TRPM2: variants seen among roughly 807,000 people sequenced by gnomAD.
TRPM2 encodes the protein transient receptor potential cation channel subfamily M member 2, also known as estrogen-responsive element-associated gene 1 protein.
TRPM2 carries 161 observed loss-of-function variants against 174.0 expected under a neutral mutation model. That is an observed-to-expected ratio of 0.93 (90% confidence interval 0.81 to 1.05). TRPM2 has a LOEUF of 1.05. Ranked by LOEUF, TRPM2 falls within the 50% of genes least tolerant of loss-of-function variation. The probability of loss-of-function intolerance (pLI) is 0.00; values close to 1 mark genes in which losing one functional copy is unlikely to be tolerated. For missense variants in TRPM2, 2,057 were observed against 2,038.0 expected, an observed-to-expected ratio of 1.01 and a Z score of -0.18; for synonymous variants, 954 against 861.3, an observed-to-expected ratio of 1.11 and a Z score of -1.88.
At chr21:44,378,469 C>T (rs969072933) in intron 7 of TRPM2, among the ~76,000 whole-genome samples, 6 of 152,188 alleles carry the variant, frequency 3.9e-5, no homozygotes, top group Admixed American at 6.5e-5. Context: ...GCACTGGGTC[C>T]TCACTCCCTA....
chr21:44,398,655 G>A lies in TRPM2; in HGVS notation c.2063-641G>A, dbSNP rs536620722. Among the ~76,000 whole-genome samples, 34 of 152,186 alleles carry A rather than the reference G, an allele frequency of 2.2e-4. No homozygotes were observed. The South Asian group carries it at 5.4e-3, about 24-fold the overall frequency. ...ACAGGGGTCGAAGTGGGTTCTTCTC[G>A]CTGTCTGCTGTTTCTGCGTGTGGTC... On this transcript the variant is annotated intron_variant, in intron 13 of 31. Transcript: ENST00000397928.
chr21:44,400,280 T>C lies in TRPM2; in HGVS notation c.2230T>C (p.Trp744Arg), dbSNP rs1461059404. 6.2e-7 allele frequency: 1 copy of C among 1,612,602 alleles called. No homozygotes were observed. Among genetic ancestry groups the C allele is most frequent in the South Asian group, 1.1e-5 (1 of 90,998 alleles). The change falls in exon 15 of 32, where the codon TGG becomes CGG. Residue 744 changes from tryptophan (W) to arginine (R), a missense_variant. Trp to Arg is a moderately radical substitution (Grantham distance 101). Coordinates refer to ENST00000397928, the MANE Select transcript of TRPM2 (RefSeq NM_003307.4). ...GIQAFLTKVW[W>R]GQLSVDNGLW... ...GCAGGCCTTCCTGACCAAGGTGTGG[T>C]GGGGCCAGCTCTCCGTGGACAATGG...
In TRPM2 at chr21:44,406,605, C is replaced by T. The variant is rs2049887851; in HGVS notation, c.2802C>T (p.Val934=). The T allele has an allele frequency of 1.2e-6, 2 of 1,609,022 alleles. No homozygotes were observed. The highest frequency in any genetic ancestry group is 1.7e-6 in the Non-Finnish European group (2 of 1,178,768). ...IIIVKRMMKD[V]FFFLFLLAVW... ...TCTCTGTCCTGCAGATGAAGGACGT[C>T]TTCTTCTTCCTCTTCCTGCTGGCTG... The change falls in exon 19 of 32, where the codon GTC becomes GTT. Residue 934 remains valine (V), a synonymous_variant. Transcript: ENST00000397928.
intron 5 of TRPM2, among the ~76,000 whole-genome samples, chr21:44,374,631 C>T (rs1393557709): frequency 6.6e-6 from 1 of 152,108 alleles, no homozygotes; most frequent in Non-Finnish European, 1.5e-5. Context: ...GGGAGTACAA[C>T]CTAGGTCCCT....
In TRPM2 at chr21:44,376,915, G is replaced by T. The variant is rs557017018; in HGVS notation, c.953-797G>T. On this transcript the variant is annotated intron_variant, in intron 6 of 31. Transcript: ENST00000397928. The surrounding 1 kb of genome is among the most constrained non-coding windows in gnomAD (Gnocchi z 4.2). ...GTTCCCTGGTGAGGGCGATGCTGCA[G>T]TTCAGGGACCAGGGACCACACTTTG... 1.3e-5 allele frequency among the ~76,000 whole-genome samples: 2 copies of T among 151,808 alleles called. No individual in the cohort carries two copies. Among genetic ancestry groups the T allele is most frequent in the Admixed American group, 6.6e-5 (1 of 15,256 alleles).
intron 8 of TRPM2, among the ~76,000 whole-genome samples, chr21:44,380,035 G>T (rs1040297057): frequency 6.6e-6 from 1 of 152,192 alleles, no homozygotes; most frequent in Admixed American, 6.5e-5. Flanking sequence ...CAGGCCGCAG[G>T]GACACACCTA....
At chr21:44,405,823 A>G in intron 17 of TRPM2, 82 bp from the exon 18 acceptor site, 1 of 1,532,354 alleles carries the variant, frequency 6.5e-7, no homozygotes, top group Non-Finnish European at 8.8e-7. Context: ...GGGCTAGGAC[A>G]GGTGGAGGGG....
upstream of TRPM2, among the ~76,000 whole-genome samples, chr21:44,352,777 G>A (rs900192087): frequency 6.6e-6 from 1 of 152,240 alleles, no homozygotes; most frequent in Non-Finnish European, 1.5e-5. Flanking sequence ...CCACATCAGA[G>A]CCAGGGGGAA....
intron 11 of TRPM2, among the ~76,000 whole-genome samples, chr21:44,393,819 G>A (rs923713491): frequency 1.3e-5 from 2 of 148,584 alleles, no homozygotes; most frequent in Non-Finnish European, 3.0e-5. Context: ...TCGATCCATT[G>A]TTCCAGGTGA....
At chr21:44,404,228 TACAC>T (rs1278896739) in intron 16 of TRPM2, among the ~76,000 whole-genome samples, 3 of 150,658 alleles carry the variant, frequency 2.0e-5, no homozygotes, top group African/African-American at 7.3e-5. Context: ...CAGATACACA[TACAC>T]ATGCACACAC....
At chr21:44,363,693 T>C (rs1343332356) in intron 2 of TRPM2, among the ~76,000 whole-genome samples, 1 of 152,240 alleles carries the variant, frequency 6.6e-6, no homozygotes, top group East Asian at 1.9e-4. Context: ...TCTTTTTTCA[T>C]CCTGGTTGAG....
At chr21:44,426,247 C>A (rs142430089) in intron 25 of TRPM2, among the ~76,000 whole-genome samples, 1 of 152,170 alleles carries the variant, frequency 6.6e-6, no homozygotes, top group African/African-American at 2.4e-5. Flanking sequence ...TGGCTAATGG[C>A]CCCTGGGAGA....
At chr21:44,427,226 AC>A in intron 27 of TRPM2, 115 bp downstream of exon 27, 1 of 881,634 alleles carries the variant, frequency 1.1e-6, no homozygotes. Flanking sequence ...CAAAAAAAGC[AC>A]GTGAGCCACC....
upstream of TRPM2, among the ~76,000 whole-genome samples, chr21:44,351,746 C>G (rs2122921986): frequency 0.013 from 1,955 of 152,324 alleles, 17 homozygotes; most frequent in South Asian, 0.029. Flanking sequence ...TTGGCCCCCC[C>G]ACAGCGGGCA....
intron 17 of TRPM2, among the ~76,000 whole-genome samples, chr21:44,405,606 C>T (rs1177834731): frequency 6.6e-6 from 1 of 152,128 alleles, no homozygotes; most frequent in African/African-American, 2.4e-5. Context: ...CTGTGATGCT[C>T]TCGTGTCTCT....
chr21:44,359,968 G>A (rs769448355), intron 2 of TRPM2, among the ~76,000 whole-genome samples: 8 of 151,826 alleles, frequency 5.3e-5, no homozygotes, highest in Non-Finnish European at 1.0e-4. Context: ...GGCTGGTCTC[G>A]AACTCTTGAT....
chr21:44,407,111 T>G (rs373052432), intron 19 of TRPM2, among the ~76,000 whole-genome samples: 1 of 28,794 alleles, frequency 3.5e-5, no homozygotes, highest in Admixed American at 3.3e-4. Flanking sequence ...ACTTCCTTCT[T>G]CTCTTGATGG....
chr21:44,375,793 C>G, intron 5 of TRPM2, 40 bp from the exon 6 acceptor site: 1 of 1,580,468 alleles, frequency 6.3e-7, no homozygotes, highest in Non-Finnish European at 8.6e-7. Flanking sequence ...AGAGGCAGAG[C>G]TTTCCAGAAG....
At chr21:44,410,150 G>T (rs201784104) in intron 19 of TRPM2, among the ~76,000 whole-genome samples, 5,601 of 26,576 alleles carry the variant, frequency 0.21, 1,456 homozygotes, top group African/African-American at 0.35. Context: ...CTGTCTTGGT[G>T]AGCGTAGCCT....
Sources: gnomAD v4.1 joint callset for allele counts (sites outside exome capture counted in the v4.1 genomes callset) on GRCh38, gnomAD v4.1.1 for gene constraint, Gnocchi (gnomAD v3.1) non-coding constraint, MANE v1.5 for transcripts, NCBI Gene and HGNC (gene_info 2026-07-23, HGNC 2026-07-21) for gene names.